Variants in RIPPLY3 observed in about 807,000 individuals in gnomAD.
The protein encoded by RIPPLY3 is protein ripply3.
In RIPPLY3, 8 loss-of-function variants were observed where a neutral mutation model predicts 11.9. The ratio of observed to expected loss-of-function variants is 0.67; its 90% CI spans 0.40 to 1.21. The LOEUF (loss-of-function observed/expected upper bound fraction) is 1.21, where lower values mean the gene tolerates loss of function less well. Ranked by LOEUF, RIPPLY3 falls within the 50% of genes most tolerant of loss-of-function variation. RIPPLY3 has a pLI of 0.01. For missense variants in RIPPLY3, 271 were observed against 246.0 expected (o/e 1.10, Z -0.68); for synonymous variants, 102 against 99.0 (o/e 1.03, Z -0.18).
chr21:37,012,573 T>C lies in RIPPLY3; in HGVS notation c.172-978T>C, dbSNP rs550140198. Among the ~76,000 whole-genome samples, 68 of 152,098 alleles carry C rather than the reference T, an allele frequency of 4.5e-4. 1 individual carries two copies. The highest frequency in any genetic ancestry group is 1.6e-3 in the African/African-American group (66 of 41,506). ...ACATCCTGCCCTCATCCAGAAGCTCTTTACCATCAATTTTCAAGACTGGTT... is the reference window on the plus strand; with the variant it reads ...ACATCCTGCCCTCATCCAGAAGCTCCTTACCATCAATTTTCAAGACTGGTT... On this transcript the variant is annotated intron_variant, in intron 2 of 3. Coordinates refer to ENST00000329553, the MANE Select transcript of RIPPLY3 (RefSeq NM_018962.3).
intron 3 of RIPPLY3, among the ~76,000 whole-genome samples, chr21:37,013,909 A>G (rs1041514391): frequency 6.6e-6 from 1 of 152,186 alleles, no homozygotes; most frequent in African/African-American, 2.4e-5. Flanking sequence ...TATTTATATA[A>G]TTGCATGTGA....
In RIPPLY3 at chr21:37,018,053, T is replaced by C; in HGVS notation, c.419T>C (p.Val140Ala). Residue 140 changes from valine to alanine, a missense_variant, in exon 4 of 4, where the codon GTG (valine) becomes GCG (alanine). Transcript: ENST00000329553. ...CCCCTCCATCTTCTGCCCCAGGAGGTGGGAGGTCGGCAGGAAAATGGCCCA... is the reference window on the plus strand; with the variant it reads ...CCCCTCCATCTTCTGCCCCAGGAGGCGGGAGGTCGGCAGGAAAATGGCCCA... Reference protein sequence around the residue: ...PPPLHLLPQEVGGRQENGPGG... With the variant: ...PPPLHLLPQEAGGRQENGPGG... 1.2e-6 allele frequency: 2 copies of C among 1,613,456 alleles called. No individual in the cohort carries two copies. The highest frequency in any genetic ancestry group is 1.7e-6 in the Non-Finnish European group (2 of 1,179,874).
At position 37,018,077 on chromosome 21, in the gene RIPPLY3, C is replaced by T; in HGVS notation, c.443C>T (p.Pro148Leu). The change falls in exon 4 of 4, where the codon CCA (proline) becomes CTA (leucine). Residue 148 changes from proline to leucine, a missense_variant. Physicochemically the swap from Pro to Leu is moderately conservative, Grantham distance 98. Transcript: ENST00000329553. ...QEVGGRQENG[P>L]GGKGRDQGIN... ...GTGGGAGGTCGGCAGGAAAATGGCC[C>T]AGGGGGAAAGGGCAGAGACCAGGGC... is the stretch of plus-strand genomic sequence containing the variant. 6.2e-7 allele frequency: 1 copy of T among 1,614,116 alleles called. No homozygotes were observed. Among genetic ancestry groups the T allele is most frequent in the East Asian group, 2.2e-5 (1 of 44,878 alleles).
intron 2 of RIPPLY3, among the ~76,000 whole-genome samples, chr21:37,010,992 A>ATT (rs34506897): frequency 0.012 from 1,776 of 148,660 alleles, 37 homozygotes; most frequent in African/African-American, 0.04. Flanking sequence ...TATTTATGGC[A>ATT]TTTTTTTTTT....
intron 2 of RIPPLY3, among the ~76,000 whole-genome samples, chr21:37,013,023 C>G (rs967083096): frequency 1.4e-4 from 21 of 152,246 alleles, no homozygotes; most frequent in Admixed American, 1.1e-3. Context: ...CGCCACCACG[C>G]CCATGCCTAG....
In RIPPLY3 at chr21:37,008,235, T is replaced by TGCGG; in HGVS notation, c.171+16_171+19dup. The TGCGG allele has an allele frequency of 6.2e-7, 1 of 1,613,864 alleles. No individual in the cohort carries two copies. Among genetic ancestry groups the TGCGG allele is most frequent in the Non-Finnish European group, 8.5e-7 (1 of 1,179,906 alleles). Reference sequence around the variant, plus strand: ...GAACTGGAAGGCCGGTAAGGTTCAGTGCGGGCGTTGTAGGTAACCCTTCCA... The same window carrying TGCGG: ...GAACTGGAAGGCCGGTAAGGTTCAGTGCGGGCGGGCGTTGTAGGTAACCCTTCCA... On this transcript the variant is annotated intron_variant, in intron 2 of 3. Transcript: ENST00000329553.
At chr21:37,008,006 T>C (rs1167212354) in intron 1 of RIPPLY3, 151 bp from the exon 2 acceptor site, 3 of 614,930 alleles carry the variant, frequency 4.9e-6, no homozygotes, top group Admixed American at 6.3e-5. Flanking sequence ...CAGTAATTTA[T>C]CCACAGCCCT....
intron 2 of RIPPLY3, among the ~76,000 whole-genome samples, chr21:37,008,812 G>C (rs999004633): frequency 2.7e-5 from 4 of 148,074 alleles, no homozygotes; most frequent in African/African-American, 9.9e-5. Context: ...TATAAGGAAT[G>C]TCCTCCCTGT....
chr21:37,006,292 C>G (rs575970482), upstream of RIPPLY3: 1 of 153,126 alleles, frequency 6.5e-6, no homozygotes, highest in Admixed American at 6.5e-5. This position sits in a 1 kb window ranked among gnomAD's most constrained non-coding sequence, Gnocchi z 5.2. Flanking sequence ...GCCCCTAGCC[C>G]GCGGGCCTCG....
chr21:37,013,449 G>A (rs2069547169), intron 2 of RIPPLY3, 102 bp from the exon 3 acceptor site: 2 of 883,118 alleles, frequency 2.3e-6, no homozygotes, highest in African/African-American at 1.6e-5. Flanking sequence ...GTATTGATAT[G>A]ACCAACTGCA....
At chr21:37,011,845 C>T (rs556409473) in intron 2 of RIPPLY3, among the ~76,000 whole-genome samples, 45 of 140,942 alleles carry the variant, frequency 3.2e-4, no homozygotes, top group African/African-American at 5.8e-4. Context: ...CCCAGCTACT[C>T]GGGAGGCTGA....
chr21:37,010,246 CT>C (rs1189858549), intron 2 of RIPPLY3, among the ~76,000 whole-genome samples: 5 of 152,154 alleles, frequency 3.3e-5, no homozygotes, highest in African/African-American at 1.2e-4. Context: ...AATCTCAGCA[CT>C]TTGGGAGGCC....
chr21:37,007,005 G>GGTCC (rs1569284910), intron 1 of RIPPLY3, 129 bp downstream of exon 1: 1 of 526,414 alleles, frequency 1.9e-6, no homozygotes, highest in Non-Finnish European at 2.8e-6. Flanking sequence ...GGAGCTCGAC[G>GGTCC]GCGACGCCAA....
chr21:37,012,649 C>T (rs949961138), intron 2 of RIPPLY3, among the ~76,000 whole-genome samples: 70 of 152,170 alleles, frequency 4.6e-4, no homozygotes, highest in Admixed American at 2.2e-3. Context: ...TCCCTGCGGC[C>T]GCTGCTCTCC....
At chr21:37,015,409 C>T (rs866222001) in intron 3 of RIPPLY3, among the ~76,000 whole-genome samples, 1 of 152,036 alleles carries the variant, frequency 6.6e-6, no homozygotes, top group Non-Finnish European at 1.5e-5. Context: ...GGTAATCCAC[C>T]CGCCTTGGCC....
intron 1 of RIPPLY3, among the ~76,000 whole-genome samples, chr21:37,007,104 A>T (rs1423782040): frequency 6.6e-6 from 1 of 152,210 alleles, no homozygotes; most frequent in Non-Finnish European, 1.5e-5. Flanking sequence ...GAGGCCCAGG[A>T]TGTAGCTGGC....
At chr21:37,013,470 G>T in intron 2 of RIPPLY3, 81 bp from the exon 3 acceptor site, 1 of 1,192,260 alleles carries the variant, frequency 8.4e-7, no homozygotes, top group Non-Finnish European at 1.2e-6. Context: ...GATGACTTAC[G>T]TTCTGTGGTT....
chr21:37,010,109 C>CA (rs1187215461), intron 2 of RIPPLY3, among the ~76,000 whole-genome samples: 3 of 152,184 alleles, frequency 2.0e-5, no homozygotes, highest in African/African-American at 7.2e-5. Flanking sequence ...CTGTATTTCT[C>CA]AAAAATGCCA....
chr21:37,019,264 C>CAAAAAAAAAAAAAAAAACAAAAAAAAA lies in RIPPLY3; in HGVS notation c.*1074_*1075insCAAAAAAAAAAAAAAAAAAAAAAAAAA, dbSNP rs2069615463. 1 of 97,516 alleles carries CAAAAAAAAAAAAAAAAACAAAAAAAAA rather than the reference C, an allele frequency of 1.0e-5. No homozygotes were observed. Among genetic ancestry groups the CAAAAAAAAAAAAAAAAACAAAAAAAAA allele is most frequent in the Non-Finnish European group, 2.0e-5 (1 of 50,038 alleles). The allele number at this position is 97,516 out of a possible 1,614,324, so 6.0% of individuals were successfully genotyped here. On this transcript the variant is annotated 3_prime_UTR_variant, in exon 4 of 4. Coordinates refer to ENST00000329553, the MANE Select transcript of RIPPLY3 (RefSeq NM_018962.3). ...GGGCAACAAGAGCGAAACTCCGTCT[C>CAAAAAAAAAAAAAAAAACAAAAAAAAA]AAAAAAAAAAAAAAAAAAAAAGAAA...
Sources: gnomAD v4.1 joint callset for allele counts (sites outside exome capture counted in the v4.1 genomes callset) on GRCh38, gnomAD v4.1.1 for gene constraint, Gnocchi (gnomAD v3.1) non-coding constraint, MANE v1.5 for transcripts, NCBI Gene and HGNC (gene_info 2026-07-23, HGNC 2026-07-21) for gene names.